COL4A4: variants seen among roughly 807,000 people sequenced by gnomAD.
COL4A4 encodes the protein collagen alpha-4(IV) chain.
COL4A4 carries 105 observed loss-of-function variants against 192.9 expected under a neutral mutation model. That is an observed-to-expected ratio of 0.54 (90% CI 0.46 to 0.64). The LOEUF is 0.64. COL4A4 is among the 30% of genes least tolerant of loss of function. The pLI, the probability that COL4A4 is intolerant of heterozygous loss-of-function variation, is 0.00. For missense variants in COL4A4, 1,967 were observed against 2,169.3 expected (o/e 0.91, Z 1.85); for synonymous variants, 762 against 769.9 (o/e 0.99, Z 0.17).
chr2:227,020,651 C>T (rs1965820716), intron 44 of COL4A4, among the ~76,000 whole-genome samples: 1 of 151,812 alleles, frequency 6.6e-6, no homozygotes. Flanking sequence ...AAAAAAAGTC[C>T]AAATCATAGT....
At chr2:226,978,060 C>CTA in the COL4A4 span, among the ~76,000 whole-genome samples, 253 of 152,256 alleles carry the variant, frequency 1.7e-3, no homozygotes, top group African/African-American at 6.0e-3. Context: ...CTCACTGGAG[C>CTA]TTGTACTGCC....
At chr2:227,030,880 G>A (rs1281883020) in intron 40 of COL4A4, among the ~76,000 whole-genome samples, 1 of 151,724 alleles carries the variant, frequency 6.6e-6, no homozygotes, top group Non-Finnish European at 1.5e-5. Context: ...TATCATTTTG[G>A]GTTTTTGTTT....
At position 227,030,427 on chromosome 2, in the gene COL4A4, G is replaced by A. The variant is rs373810481; in HGVS notation, c.3973+16C>T. 28 of 1,613,556 alleles carry A rather than the reference G, an allele frequency of 1.7e-5. No homozygotes were observed. The highest frequency in any genetic ancestry group is 4.0e-5 in the African/African-American group (3 of 74,910). ...CCAAGTTATTCACATATTACTTAAC[G>A]GAACAACATTCATACCTTTCTGGCC... is the stretch of plus-strand genomic sequence containing the variant. On this transcript the variant is annotated intron_variant, in intron 41 of 47. Transcript: ENST00000396625.
In COL4A4 at chr2:227,054,607, C is replaced by A. The variant is rs1974889217; in HGVS notation, c.2847G>T (p.Leu949=). Residue 949 remains leucine (L), a synonymous_variant, in exon 31 of 48, where the codon CTG becomes CTT. Coordinates refer to ENST00000396625, the MANE Select transcript of COL4A4 (RefSeq NM_000092.5). ...TATTTTATTTACCTTTGGCCCCTCTCAGTCCCCGGTCTCCAGGAAGGCCAG... is the reference window on the plus strand; with the variant it reads ...TATTTTATTTACCTTTGGCCCCTCTAAGTCCCCGGTCTCCAGGAAGGCCAG... ...GMSGLPGDRG[L]RGAKGAIGPP... 6.2e-7 allele frequency: 1 copy of A among 1,614,186 alleles called. No homozygotes were observed. The highest frequency in any genetic ancestry group is 8.5e-7 in the Non-Finnish European group (1 of 1,180,026).
chr2:227,057,561 G>A lies in COL4A4; in HGVS notation c.2423C>T (p.Pro808Leu). 3 of 1,614,084 alleles carry A rather than the reference G, an allele frequency of 1.9e-6. No homozygotes were observed. The highest frequency in any genetic ancestry group is 2.5e-6 in the Non-Finnish European group (3 of 1,180,014). ...CCCAGCATGTCCCTCTCTGCCTTTG[G>A]GACCTTTGAGACCTAGGAATCCAGG... is the stretch of plus-strand genomic sequence containing the variant. ...GIPGFLGLKG[P>L]KGREGHAGFP... The change falls in exon 29 of 48, where the codon CCC becomes CTC. Residue 808 changes from proline (P) to leucine (L), a missense_variant. By Grantham distance (98) the Pro-to-Leu change is moderately conservative. Transcript: ENST00000396625.
chr2:226,980,385 G>A, the COL4A4 span, among the ~76,000 whole-genome samples: 1 of 152,174 alleles, frequency 6.6e-6, no homozygotes, highest in Non-Finnish European at 1.5e-5. Flanking sequence ...GGTAAGCAAG[G>A]TTCTAAGCAG....
chr2:227,034,059 C>T (rs544263350), intron 37 of COL4A4, among the ~76,000 whole-genome samples: 1 of 152,220 alleles, frequency 6.6e-6, no homozygotes, highest in African/African-American at 2.4e-5. Flanking sequence ...CTTTCACAAC[C>T]ATTCTGATGC....
chr2:227,034,591 G>A (rs1296731055), intron 37 of COL4A4, among the ~76,000 whole-genome samples: 1 of 148,564 alleles, frequency 6.7e-6, no homozygotes, highest in Admixed American at 6.8e-5. Flanking sequence ...TATACTTTAA[G>A]TTTTAGGGTA....
In COL4A4 at chr2:227,008,142, TAG is replaced by T; in HGVS notation, c.4683_4684del (p.Tyr1562CysfsTer71). On this transcript the variant is annotated frameshift_variant, in exon 47 of 48. Coordinates refer to ENST00000396625, the MANE Select transcript of COL4A4 (RefSeq NM_000092.5). LOFTEE classifies it high-confidence loss of function. Reference sequence around the variant, plus strand: ...CTCGCATACCGCACAGCGGCTGACATAGGGGCGGATCGCCTCTTCAGAGAGTG... The same window carrying T: ...CTCGCATACCGCACAGCGGCTGACATGGGCGGATCGCCTCTTCAGAGAGTG... 1 of 1,613,962 alleles carries T rather than the reference TAG, an allele frequency of 6.2e-7. No individual in the cohort carries two copies. Among genetic ancestry groups the T allele is most frequent in the African/African-American group, 1.3e-5 (1 of 75,056 alleles).
the COL4A4 span, among the ~76,000 whole-genome samples, chr2:226,976,229 T>G: frequency 6.8e-6 from 1 of 148,020 alleles, no homozygotes; most frequent in Non-Finnish European, 1.5e-5. Flanking sequence ...TTGTCCATTG[T>G]CACTTAAGTC....
intron 37 of COL4A4, among the ~76,000 whole-genome samples, chr2:227,038,163 C>G (rs1970065629): frequency 6.6e-6 from 1 of 152,184 alleles, no homozygotes; most frequent in South Asian, 2.1e-4. Flanking sequence ...CTGAATGGTA[C>G]TGTCTAGGTT....
chr2:227,128,576 C>T (rs1419120922), intron 4 of COL4A4, among the ~76,000 whole-genome samples: 1 of 152,070 alleles, frequency 6.6e-6, no homozygotes, highest in Non-Finnish European at 1.5e-5. Context: ...CTGTTCCTGG[C>T]ATCATCTAAG....
intron 8 of COL4A4, among the ~76,000 whole-genome samples, chr2:227,112,851 A>T (rs1195915935): frequency 6.6e-6 from 1 of 152,324 alleles, no homozygotes; most frequent in African/African-American, 2.4e-5. Context: ...GCATAATATT[A>T]TATCTTCAAG....
chr2:227,134,385 G>C (rs1037643485), intron 4 of COL4A4, among the ~76,000 whole-genome samples: 1 of 152,188 alleles, frequency 6.6e-6, no homozygotes, highest in East Asian at 1.9e-4. Flanking sequence ...AACAAGCTCA[G>C]GGGTTGAAAG....
chr2:227,012,859 C>A (rs1964083369), intron 44 of COL4A4, among the ~76,000 whole-genome samples: 1 of 152,094 alleles, frequency 6.6e-6, no homozygotes, highest in South Asian at 2.1e-4. Flanking sequence ...CGTGGATTGT[C>A]CAATTCAGTC....
chr2:227,087,299 T>C (rs1174247674), intron 22 of COL4A4, among the ~76,000 whole-genome samples: 1 of 152,210 alleles, frequency 6.6e-6, no homozygotes, highest in East Asian at 1.9e-4. Flanking sequence ...AGCCCAAACC[T>C]CTCATCTGAA....
chr2:226,990,045 T>A, the COL4A4 span, among the ~76,000 whole-genome samples: 268 of 152,338 alleles, frequency 1.8e-3, 6 homozygotes, highest in Admixed American at 9.2e-4. Context: ...AACTGAAATT[T>A]CCATTTGTAT....
chr2:227,077,782 T>G, intron 25 of COL4A4, 112 bp downstream of exon 25: 1 of 983,138 alleles, frequency 1.0e-6, no homozygotes, highest in East Asian at 2.6e-5. Context: ...ACTACTCGGG[T>G]GACAGGTACA....
At chr2:227,024,052 C>G (rs1282806650) in intron 43 of COL4A4, among the ~76,000 whole-genome samples, 1 of 151,712 alleles carries the variant, frequency 6.6e-6, no homozygotes, top group Admixed American at 6.6e-5. Context: ...CAGGCTCAGG[C>G]AAATAAGTGA....
Sources: gnomAD v4.1 joint callset for allele counts (sites outside exome capture counted in the v4.1 genomes callset) on GRCh38, gnomAD v4.1.1 for gene constraint, MANE v1.5 for transcripts, NCBI Gene and HGNC (gene_info 2026-07-23, HGNC 2026-07-21) for gene names.